The following DMRT2 variants were observed in gnomAD, a reference collection of about 807,000 sequenced individuals.
The protein encoded by DMRT2 is doublesex and mab-3 related transcription factor 2.
DMRT2 carries 33 observed loss-of-function variants against 43.5 expected under a neutral mutation model. That is an observed-to-expected ratio of 0.76 (90% CI 0.58 to 1.01). The LOEUF is 1.01. DMRT2 is among the 50% of genes least tolerant of loss of function. The pLI is 0.00. For missense variants in DMRT2, 1,064 were observed against 748.0 expected (o/e 1.42, Z -4.93); for synonymous variants, 395 against 309.2 (o/e 1.28, Z -2.91).
chr9:1,056,014 G>A, intron 3 of DMRT2: 1 of 1,413,694 alleles, frequency 7.1e-7, no homozygotes, highest in Non-Finnish European at 9.2e-7. Flanking sequence ...ACAAGAAGAA[G>A]TTGCAGTATG....
At chr9:1,053,871 A>T in intron 3 of DMRT2, 47 bp downstream of exon 3, 1 of 1,470,394 alleles carries the variant, frequency 6.8e-7, no homozygotes, top group Non-Finnish European at 9.5e-7. Context: ...GAGTTGAGTG[A>T]CTCTCATTAA....
At position 1,051,717 on chromosome 9, in the gene DMRT2, C is replaced by T; in HGVS notation, c.104C>T (p.Pro35Leu). ...TGCGGGGCGCCGCGGTCCACGCCCCCCGGGCCCAGCCCGCCGCCGGCGGAC... is the reference window on the plus strand; with the variant it reads ...TGCGGGGCGCCGCGGTCCACGCCCCTCGGGCCCAGCCCGCCGCCGGCGGAC... ...DVCGAPRSTP[P>L]GPSPPPADGD... The change falls in exon 2 of 4, where the codon CCC becomes CTC. Residue 35 changes from proline to leucine, a missense_variant. Transcript: ENST00000358146. This position sits in a 1 kb window ranked among gnomAD's most constrained non-coding sequence, Gnocchi z 5.9. The T allele has an allele frequency of 1.3e-6, 2 of 1,540,884 alleles. No homozygotes were observed. Among genetic ancestry groups the T allele is most frequent in the Non-Finnish European group, 8.7e-7 (1 of 1,148,554 alleles).
rs749556839 is a variant in DMRT2, at chr9:1,055,810, AT to A, written c.629-400del. 8.0e-6 allele frequency: 12 copies of A among 1,509,180 alleles called. No homozygotes were observed. The Admixed American group carries it at 2.8e-4, about 35-fold the overall frequency. 93.5% of individuals were successfully genotyped at this position (1,509,180 alleles called of 1,614,324 possible). A position where few individuals can be genotyped will look rare whatever the true frequency, so the allele number is the denominator to read the frequency against. Reference sequence around the variant, plus strand: ...TGACATCAGCTCTAGGTATAGATATATTTTTTAATAATGAAAAAAGATGACA... The same window carrying A: ...TGACATCAGCTCTAGGTATAGATATATTTTTAATAATGAAAAAAGATGACA... On this transcript the variant is annotated intron_variant, in intron 3 of 3. Transcript: ENST00000358146.
At chr9:1,055,048 C>T (rs1377504957) in intron 3 of DMRT2, among the ~76,000 whole-genome samples, 2 of 152,156 alleles carry the variant, frequency 1.3e-5, no homozygotes, top group African/African-American at 2.4e-5. Flanking sequence ...TGGTTACAAA[C>T]TGGATAAACA....
chr9:1,054,337 A>G (rs1381760803), intron 3 of DMRT2, among the ~76,000 whole-genome samples: 1 of 152,154 alleles, frequency 6.6e-6, no homozygotes, highest in Admixed American at 6.5e-5. Context: ...GAGGAGTTTA[A>G]CAGCTGCTCG....
rs544532006 is a variant in DMRT2, at chr9:1,054,697, T to G, written c.628+873T>G. 3.4e-5 allele frequency: 5 copies of G among 147,744 alleles called. No homozygotes were observed. The South Asian group carries it at 1.1e-3, about 31-fold the overall frequency. The allele number at this position is 147,744 out of a possible 1,614,324, so 9.2% of individuals were successfully genotyped here. A position where few individuals can be genotyped will look rare whatever the true frequency, so the allele number is the denominator to read the frequency against. Reference sequence around the variant, plus strand: ...GACCTCAATAATATATTGACTATTTTTAACCGTTTCTCTTTAAATTTTTAA... The same window carrying G: ...GACCTCAATAATATATTGACTATTTGTAACCGTTTCTCTTTAAATTTTTAA... On this transcript the variant is annotated intron_variant, in intron 3 of 3. Coordinates refer to ENST00000358146, the MANE Select transcript of DMRT2 (RefSeq NM_181872.6).
At chr9:1,056,132 T>C in intron 3 of DMRT2, 84 bp from the exon 4 acceptor site, 1 of 1,525,132 alleles carries the variant, frequency 6.6e-7, no homozygotes, top group East Asian at 2.3e-5. Flanking sequence ...TGCTGATCTG[T>C]AGTGTTGCTG....
rs984875420 is a variant in DMRT2 at position 1,051,321 on chromosome 9, C to A, written c.-44-249C>A. ...AAAGCCCGTGTAAAGCCAGAGAGGG[C>A]CACGGTTAAAGGTCAGGTACTCACA... On this transcript the variant is annotated intron_variant, in intron 1 of 3. Transcript: ENST00000358146. The surrounding 1 kb of genome is among the most constrained non-coding windows in gnomAD (Gnocchi z 5.9). Among the ~76,000 whole-genome samples the A allele has an allele frequency of 6.6e-6, 1 of 152,130 alleles. No homozygotes were observed. Among genetic ancestry groups the A allele is most frequent in the Non-Finnish European group, 1.5e-5 (1 of 68,018 alleles).
chr9:1,057,078 A>G lies in DMRT2; in HGVS notation c.1491A>G (p.Glu497=), dbSNP rs1822055748. Residue 497 remains glutamate (E), a synonymous_variant, in exon 4 of 4, where the codon GAA becomes GAG. Transcript: ENST00000358146. ...CACCATTTGTCAAAGAGGCCTTTGAAGAGACCCCTAAGAAACACAGAGAGT... is the reference window on the plus strand; with the variant it reads ...CACCATTTGTCAAAGAGGCCTTTGAGGAGACCCCTAAGAAACACAGAGAGT... ...LKTPFVKEAF[E]ETPKKHRECL... 2 of 1,614,220 alleles carry G rather than the reference A, an allele frequency of 1.2e-6. No individual in the cohort carries two copies. Among genetic ancestry groups the G allele is most frequent in the Non-Finnish European group, 1.7e-6 (2 of 1,180,044 alleles).
intron 3 of DMRT2, chr9:1,054,682 A>G (rs1821849513): frequency 6.6e-6 from 1 of 151,262 alleles, no homozygotes; most frequent in East Asian, 1.9e-4. Context: ...GACCTCAATA[A>G]TATATTGACT....
In DMRT2 at chr9:1,051,335, CA is replaced by C. The variant is rs1480568375; in HGVS notation, c.-44-234del. Among the ~76,000 whole-genome samples, 3 of 152,124 alleles carry C rather than the reference CA, an allele frequency of 2.0e-5. No individual in the cohort carries two copies. The highest frequency in any genetic ancestry group is 4.4e-5 in the Non-Finnish European group (3 of 68,034). ...GCCAGAGAGGGCCACGGTTAAAGGT[CA>C]GGTACTCACAGAGCACTTAGAATTA... On this transcript the variant is annotated intron_variant, in intron 1 of 3. Transcript: ENST00000358146. The surrounding 1 kb of genome is among the most constrained non-coding windows in gnomAD (Gnocchi z 5.9).
chr9:1,054,301 T>G (rs1295530333), intron 3 of DMRT2, among the ~76,000 whole-genome samples: 4 of 152,174 alleles, frequency 2.6e-5, no homozygotes, highest in Non-Finnish European at 4.4e-5. Flanking sequence ...TTCTTAGTTG[T>G]GGGAGCTGAA....
In DMRT2 at chr9:1,056,486, G is replaced by A. The variant is rs766223609; in HGVS notation, c.899G>A (p.Cys300Tyr). The A allele has an allele frequency of 3.7e-6, 6 of 1,614,210 alleles. No homozygotes were observed. The highest frequency in any genetic ancestry group is 5.1e-6 in the Non-Finnish European group (6 of 1,180,040). Residue 300 changes from cysteine to tyrosine, a missense_variant, in exon 4 of 4, where the codon TGT (cysteine) becomes TAT (tyrosine). Transcript: ENST00000358146. ...SPVEPPSKDF[C>Y]NFLPTCLDLT... Reference sequence around the variant, plus strand: ...GTGGAACCACCAAGCAAGGACTTCTGTAATTTTTTGCCCACCTGCCTTGAT... The same window carrying A: ...GTGGAACCACCAAGCAAGGACTTCTATAATTTTTTGCCCACCTGCCTTGAT...
chr9:1,051,466 C>T lies in DMRT2; in HGVS notation c.-44-104C>T. 1 of 1,347,128 alleles carries T rather than the reference C, an allele frequency of 7.4e-7. No individual in the cohort carries two copies. Among genetic ancestry groups the T allele is most frequent in the South Asian group, 1.6e-5 (1 of 62,202 alleles). 83.4% of individuals were successfully genotyped at this position (1,347,128 alleles called of 1,614,324 possible). ...GGGACATGTAATGAGAACAGGATGA[C>T]TCAAGCGGCCGGAGGCGGGCAGACC... On this transcript the variant is annotated intron_variant, in intron 1 of 3. Transcript: ENST00000358146. The surrounding 1 kb of genome is among the most constrained non-coding windows in gnomAD (Gnocchi z 5.9).
intron 2 of DMRT2, 32 bp from the exon 3 acceptor site, chr9:1,053,690 G>A: frequency 6.3e-7 from 1 of 1,583,202 alleles, no homozygotes; most frequent in Non-Finnish European, 8.6e-7. Context: ...TTTCTTTCAG[G>A]GCATTATTGA....
Position 1,056,380 on chromosome 9 carries a change from G to C in DMRT2, c.793G>C (p.Ala265Pro). 2.5e-6 allele frequency: 4 copies of C among 1,614,176 alleles called. No individual in the cohort carries two copies. Among genetic ancestry groups the C allele is most frequent in the Non-Finnish European group, 3.4e-6 (4 of 1,180,034 alleles). Reference protein sequence around the residue: ...KEREMLETSQAAALFLPNRMV... With the variant: ...KEREMLETSQPAALFLPNRMV... The stretch of plus-strand genomic sequence containing the variant: ...AAGGGAGATGTTGGAAACTTCTCAA[G>C]CTGCTGCTCTGTTTCTGCCCAACCG... Residue 265 changes from alanine to proline, a missense_variant, in exon 4 of 4, where the codon GCT (alanine) becomes CCT (proline). Physicochemically the swap from Ala to Pro is conservative, Grantham distance 27. Coordinates refer to ENST00000358146, the MANE Select transcript of DMRT2 (RefSeq NM_181872.6).
chr9:1,052,053 G>A lies in DMRT2; in HGVS notation c.440G>A (p.Cys147Tyr). 6.8e-7 allele frequency: 1 copy of A among 1,470,436 alleles called. No individual in the cohort carries two copies. The highest frequency in any genetic ancestry group is 1.3e-5 in the South Asian group (1 of 77,536). 91.1% of individuals were successfully genotyped at this position (1,470,436 alleles called of 1,614,324 possible). A position where few individuals can be genotyped will look rare whatever the true frequency, so the allele number is the denominator to read the frequency against. Residue 147 changes from cysteine (C) to tyrosine (Y), a missense_variant, in exon 2 of 4, where the codon TGC becomes TAC. Coordinates refer to ENST00000358146, the MANE Select transcript of DMRT2 (RefSeq NM_181872.6). ...AAGCGCTTCTGTCGCTGGCGCGACT[G>A]CCAGTGCGCCAACTGCCTGCTGGTG... ...GHKRFCRWRDCQCANCLLVVE... is the reference protein window; with the variant it reads ...GHKRFCRWRDYQCANCLLVVE...
In DMRT2 at chr9:1,057,451, A is replaced by G. The variant is rs1233907164; in HGVS notation, c.*178A>G. ...ACTTTTTCTTATCACATATATTTAA[A>G]CTTACAGATGGAAATTGCCCAATGT... On this transcript the variant is annotated 3_prime_UTR_variant, in exon 4 of 4. Transcript: ENST00000358146. The G allele has an allele frequency of 1.6e-5, 11 of 671,040 alleles. No homozygotes were observed. The East Asian group carries it at 2.5e-4, about 15-fold the overall frequency. 41.6% of individuals were successfully genotyped at this position (671,040 alleles called of 1,614,324 possible).
At chr9:1,054,113 A>C (rs1821806034) in intron 3 of DMRT2, among the ~76,000 whole-genome samples, 1 of 152,188 alleles carries the variant, frequency 6.6e-6, no homozygotes, top group African/African-American at 2.4e-5. Context: ...CAGTTGAAGA[A>C]TCCCTATTAT....
Sources: allele counts gnomAD v4.1 joint callset (sites outside exome capture counted in the v4.1 genomes callset), GRCh38; gene constraint gnomAD v4.1.1; non-coding constraint Gnocchi (gnomAD v3.1); transcripts MANE v1.5; gene names NCBI Gene and HGNC (gene_info 2026-07-23, HGNC 2026-07-21).